MYO1H: variants seen among roughly 807,000 people sequenced by gnomAD.
MYO1H encodes the protein unconventional myosin-Ih.
In MYO1H, 118 loss-of-function variants were observed where a neutral mutation model predicts 149.3. The observed-to-expected ratio is 0.79, with a 90% confidence interval of 0.68 to 0.92. The LOEUF is 0.92. Ranked by LOEUF, MYO1H falls within the 40% of genes least tolerant of loss-of-function variation. The pLI, the probability that MYO1H is intolerant of heterozygous loss-of-function variation, is 0.00. For synonymous variants in MYO1H, 447 were observed against 465.2 expected (o/e 0.96, Z 0.50); for missense variants, 1,212 against 1,280.7 (o/e 0.95, Z 0.82).
chr12:109,343,977 A>G (rs113082790), upstream of MYO1H, among the ~76,000 whole-genome samples: 1,425 of 152,192 alleles, frequency 9.4e-3, 22 homozygotes, highest in African/African-American at 0.032. Context: ...TTTAGTCATC[A>G]TGTCTCCTTT....
intron 25 of MYO1H, 57 bp downstream of exon 25, chr12:109,440,884 T>C: frequency 1.6e-6 from 2 of 1,233,404 alleles, no homozygotes; most frequent in South Asian, 1.3e-5. Context: ...GAGTGGGTCC[T>C]GAGTGTCAGT....
In MYO1H at chr12:109,422,580, C is replaced by T. The variant is rs559049426; in HGVS notation, c.1644+1553C>T. On this transcript the variant is annotated intron_variant, in intron 16 of 31. Transcript: ENST00000310903. ...GGGTCATGGCCGTCAGCTTCACAAA[C>T]CAATCCACGGAGAGGACATCACATA... Among the ~76,000 whole-genome samples, 100 of 152,314 alleles carry T rather than the reference C, an allele frequency of 6.6e-4. 1 individual carries two copies. The highest frequency in any genetic ancestry group is 2.6e-3 in the Admixed American group (39 of 15,280).
chr12:109,375,153 C>T (rs1311111403), intron 1 of MYO1H, among the ~76,000 whole-genome samples: 6 of 133,012 alleles, frequency 4.5e-5, no homozygotes, highest in African/African-American at 8.1e-5. Flanking sequence ...CCATGCCCGG[C>T]GGATTTTTTT....
the MYO1H span, among the ~76,000 whole-genome samples, chr12:109,328,160 G>A: frequency 4.1e-4 from 61 of 148,582 alleles, no homozygotes; most frequent in African/African-American, 1.4e-3. Flanking sequence ...ATATATGCGT[G>A]TGTGTGTGTG....
At chr12:109,312,826 A>AC in the MYO1H span, among the ~76,000 whole-genome samples, 1 of 148,180 alleles carries the variant, frequency 6.7e-6, no homozygotes, top group Non-Finnish European at 1.5e-5. Context: ...TTAAATTAGA[A>AC]CCCTCCAGGG....
chr12:109,426,606 G>A (rs934278108), intron 18 of MYO1H, among the ~76,000 whole-genome samples: 1 of 152,134 alleles, frequency 6.6e-6, no homozygotes, highest in African/African-American at 2.4e-5. Context: ...TCAGTTTCAG[G>A]AGCAACACAG....
In MYO1H at chr12:109,393,460, A is replaced by G. The variant is rs1185303231; in HGVS notation, c.290+14A>G. ...GCCACCACATGTGTAAGTAGCATCC[A>G]CAGGATCATCACTAGGAGGATTTTT... On this transcript the variant is annotated intron_variant, in intron 3 of 31. Transcript: ENST00000310903. 5 of 1,522,958 alleles carry G rather than the reference A, an allele frequency of 3.3e-6. No homozygotes were observed. In the African/African-American group the frequency reaches 4.1e-5, roughly 13 times the overall value. 94.3% of individuals were successfully genotyped at this position (1,522,958 alleles called of 1,614,324 possible).
chr12:109,335,011 T>G, the MYO1H span, among the ~76,000 whole-genome samples: 1 of 152,238 alleles, frequency 6.6e-6, no homozygotes, highest in Admixed American at 6.5e-5. Context: ...CATGGATTTG[T>G]TTATTCTGGA....
intron 14 of MYO1H, among the ~76,000 whole-genome samples, chr12:109,414,494 G>A (rs201730768): frequency 0.01 from 1,210 of 115,752 alleles, 5 homozygotes; most frequent in South Asian, 0.019. Context: ...AAAAAAAAAA[G>A]AAAGAAAAAA....
intron 11 of MYO1H, 133 bp downstream of exon 11, chr12:109,409,757 A>G (rs989559652): frequency 1.2e-6 from 1 of 836,754 alleles, no homozygotes; most frequent in East Asian, 2.5e-5. Context: ...CATAGTTTCT[A>G]ACTCACAGAC....
At chr12:109,391,346 C>T (rs1013837694) in intron 2 of MYO1H, among the ~76,000 whole-genome samples, 1 of 152,158 alleles carries the variant, frequency 6.6e-6, no homozygotes, top group Admixed American at 6.5e-5. Context: ...GTTTTCTGTT[C>T]CTGCATTAGT....
chr12:109,344,080 G>T (rs2048094937), upstream of MYO1H, among the ~76,000 whole-genome samples: 2 of 152,044 alleles, frequency 1.3e-5, no homozygotes, highest in African/African-American at 2.4e-5. Context: ...TTTGTAGGTT[G>T]CCCCAATATT....
chr12:109,334,502 G>A, the MYO1H span, among the ~76,000 whole-genome samples: 1 of 152,284 alleles, frequency 6.6e-6, no homozygotes, highest in African/African-American at 2.4e-5. Flanking sequence ...TATCCACATT[G>A]TTGTAGATGA....
intron 15 of MYO1H, among the ~76,000 whole-genome samples, 177 bp downstream of exon 15, chr12:109,415,797 C>T (rs4766472): frequency 6.6e-6 from 1 of 151,956 alleles, no homozygotes; most frequent in African/African-American, 2.4e-5. Flanking sequence ...TAAATAACCA[C>T]TTTATTGAGA....
At chr12:109,401,304 T>A (rs1385885780) in intron 6 of MYO1H, 32 bp downstream of exon 6, 1 of 1,581,512 alleles carries the variant, frequency 6.3e-7, no homozygotes, top group African/African-American at 1.3e-5. Context: ...CTTTGGTGAC[T>A]CTTTGGAGCA....
At chr12:109,388,867 T>G in intron 2 of MYO1H, 23 bp downstream of exon 2, 1 of 1,585,006 alleles carries the variant, frequency 6.3e-7, no homozygotes. Flanking sequence ...ACTTCTCAGC[T>G]GTTTTTCTAG....
At chr12:109,436,405 G>C in intron 21 of MYO1H, 83 bp from the exon 22 acceptor site, 1 of 931,812 alleles carries the variant, frequency 1.1e-6, no homozygotes, top group Non-Finnish European at 1.7e-6. Context: ...CCTTCCATCG[G>C]CCCCCAAACA....
At chr12:109,414,215 C>T (rs1870799085) in intron 14 of MYO1H, among the ~76,000 whole-genome samples, 1 of 152,154 alleles carries the variant, frequency 6.6e-6, no homozygotes, top group Middle Eastern at 3.4e-3. Flanking sequence ...GTGGCTCACA[C>T]CTGTAATCCC....
intron 14 of MYO1H, 82 bp downstream of exon 14, chr12:109,412,067 C>A: frequency 1.1e-6 from 1 of 926,240 alleles, no homozygotes; most frequent in Non-Finnish European, 1.6e-6. Context: ...TAATGTTCTT[C>A]AAGAGAACAA....
Sources: allele counts gnomAD v4.1 joint callset (sites outside exome capture counted in the v4.1 genomes callset), GRCh38; gene constraint gnomAD v4.1.1; transcripts MANE v1.5; gene names NCBI Gene and HGNC (gene_info 2026-07-23, HGNC 2026-07-21).